The following CACHD1 variants were observed in gnomAD, a reference collection of about 807,000 sequenced individuals.
The protein encoded by CACHD1 is cache domain containing 1.
A neutral mutation model predicts 138.7 loss-of-function variants in CACHD1; 71 were observed. That is an observed-to-expected ratio of 0.51 (90% CI 0.42 to 0.62). CACHD1 has a LOEUF of 0.62. CACHD1 is among the 20% of genes least tolerant of loss of function. CACHD1 has a pLI of 0.00. For synonymous variants in CACHD1, 578 were observed against 591.5 expected, an observed-to-expected ratio of 0.98 and a Z score of 0.33; for missense variants, 1,389 against 1,625.3, an observed-to-expected ratio of 0.85 and a Z score of 2.50.
rs547716219 is a variant in CACHD1 at position 64,586,171 on chromosome 1, C to T, written c.410+3867C>T. Among the ~76,000 whole-genome samples, 10 of 152,330 alleles carry T rather than the reference C, an allele frequency of 6.6e-5. No homozygotes were observed. In the East Asian group the frequency reaches 1.9e-3, roughly 29 times the overall value. On this transcript the variant is annotated intron_variant, in intron 3 of 26. Transcript: ENST00000651257. ...CTCCATCTACCAGGCTCAAGCGCTT[C>T]TCACGCCTCAGTCTCCCAAGAAGCT...
chr1:64,607,776 C>T (rs1387584088), intron 4 of CACHD1, among the ~76,000 whole-genome samples: 3 of 152,164 alleles, frequency 2.0e-5, no homozygotes, highest in South Asian at 2.1e-4. Flanking sequence ...TGGGTATGAA[C>T]GTGGGGACAC....
intron 4 of CACHD1, among the ~76,000 whole-genome samples, chr1:64,606,121 ACACACACACG>A (rs1052039411): frequency 5.4e-4 from 82 of 152,032 alleles, no homozygotes; most frequent in South Asian, 3.3e-3. Flanking sequence ...ACACACACAC[ACACACACACG>A]CACACACACG....
At chr1:64,544,464 G>T (rs1221945535) in intron 1 of CACHD1, among the ~76,000 whole-genome samples, 1 of 152,054 alleles carries the variant, frequency 6.6e-6, no homozygotes, top group Non-Finnish European at 1.5e-5. Flanking sequence ...CTGTCAAGCA[G>T]GCTCAATTAA....
chr1:64,679,582 T>G lies in CACHD1; in HGVS notation c.3245-13T>G, dbSNP rs1321909319. 1 of 1,612,936 alleles carries G rather than the reference T, an allele frequency of 6.2e-7. No homozygotes were observed. The highest frequency in any genetic ancestry group is 1.7e-5 in the Admixed American group (1 of 59,878). On this transcript the variant is annotated splice_polypyrimidine_tract_variant and intron_variant, in intron 23 of 26. Transcript: ENST00000651257. ...ATCTTAACAAGAAACATCTTCTTGCTCTTTCACTGAAGGTGATGAGGTGAT... is the reference window on the plus strand; with the variant it reads ...ATCTTAACAAGAAACATCTTCTTGCGCTTTCACTGAAGGTGATGAGGTGAT...
chr1:64,675,248 A>T (rs1649945948), intron 19 of CACHD1, among the ~76,000 whole-genome samples, 153 bp from the exon 20 acceptor site: 1 of 152,212 alleles, frequency 6.6e-6, no homozygotes, highest in African/African-American at 2.4e-5. Context: ...AATTTTTAAC[A>T]GTGACTATAT....
chr1:64,477,617 TATTA>T lies in CACHD1; in HGVS notation c.198+6676_198+6679del, dbSNP rs1408288833. On this transcript the variant is annotated intron_variant, in intron 1 of 26. Transcript: ENST00000651257. ...TTATTATTATTATTATTATTATTAT[TATTA>T]TTATTTTATTTTATTTTTTTTTTTG... is the stretch of plus-strand genomic sequence containing the variant. Among the ~76,000 whole-genome samples the T allele has an allele frequency of 2.0e-3, 285 of 140,710 alleles. 4 individuals carry two copies. Among genetic ancestry groups the T allele is most frequent in the African/African-American group, 7.2e-3 (267 of 36,834 alleles). 92.3% of individuals were successfully genotyped at this position (140,710 alleles called of 152,430 possible).
intron 15 of CACHD1, among the ~76,000 whole-genome samples, chr1:64,665,239 G>A (rs1290992415): frequency 2.0e-5 from 3 of 151,778 alleles, no homozygotes; most frequent in African/African-American, 7.3e-5. Flanking sequence ...TGGATTGCTC[G>A]AGCCTAGGAG....
In CACHD1 at chr1:64,470,639, A is replaced by G. The variant is rs1273328837; in HGVS notation, c.-106A>G. 2 of 433,604 alleles carry G rather than the reference A, an allele frequency of 4.6e-6. No homozygotes were observed. The highest frequency in any genetic ancestry group is 2.1e-5 in the African/African-American group (1 of 47,946). The allele number at this position is 433,604 out of a possible 1,614,324, so 26.9% of individuals were successfully genotyped here. A position where few individuals can be genotyped will look rare whatever the true frequency, so the allele number is the denominator to read the frequency against. On this transcript the variant is annotated 5_prime_UTR_variant, in exon 1 of 27. Transcript: ENST00000651257. This position sits in a 1 kb window ranked among gnomAD's most constrained non-coding sequence, Gnocchi z 5.2. ...CGCGGCGCGGAGCAGAGCCTGCAAC[A>G]GAGGAAGAAACTTTTGCGGGGTGCG...
At chr1:64,653,939 G>T in intron 11 of CACHD1, 58 bp downstream of exon 11, 2 of 1,473,666 alleles carry the variant, frequency 1.4e-6, no homozygotes, top group South Asian at 1.2e-5. Context: ...ACCCATCAAA[G>T]CCACATACGA....
At chr1:64,497,693 AG>A (rs1646313574) in intron 1 of CACHD1, among the ~76,000 whole-genome samples, 1 of 152,324 alleles carries the variant, frequency 6.6e-6, no homozygotes, top group African/African-American at 2.4e-5. Flanking sequence ...CATATCAAAA[AG>A]GGGCAGAGGG....
At chr1:64,677,406 A>G (rs116703238) in intron 22 of CACHD1, among the ~76,000 whole-genome samples, 2,238 of 152,300 alleles carry the variant, frequency 0.015, 43 homozygotes, top group African/African-American at 0.051. Context: ...ACTAAAAACT[A>G]CATGTTCCCC....
chr1:64,543,450 GCA>G (rs1404724496), intron 1 of CACHD1, among the ~76,000 whole-genome samples: 2 of 143,968 alleles, frequency 1.4e-5, no homozygotes, highest in African/African-American at 5.4e-5. Context: ...CAGTGGTGAT[GCA>G]CACGTCCTAG....
intron 1 of CACHD1, among the ~76,000 whole-genome samples, chr1:64,485,343 A>G (rs555162781): frequency 1.9e-3 from 282 of 152,304 alleles, no homozygotes; most frequent in African/African-American, 6.5e-3. Flanking sequence ...CCTGGAAACC[A>G]TCGATATATT....
intron 1 of CACHD1, among the ~76,000 whole-genome samples, chr1:64,480,998 C>T (rs1419769129): frequency 6.6e-6 from 1 of 151,846 alleles, no homozygotes; most frequent in Non-Finnish European, 1.5e-5. Context: ...TTTACCTTGC[C>T]CTCTTTTTTT....
chr1:64,533,147 A>G (rs1424721914), intron 1 of CACHD1, among the ~76,000 whole-genome samples: 1 of 152,164 alleles, frequency 6.6e-6, no homozygotes, highest in African/African-American at 2.4e-5. Context: ...CTTGAGGCCA[A>G]GGGTTTGAGA....
chr1:64,616,360 AGAG>A (rs1647707475), intron 4 of CACHD1, among the ~76,000 whole-genome samples: 1 of 152,018 alleles, frequency 6.6e-6, no homozygotes, highest in Admixed American at 6.6e-5. Flanking sequence ...GTGAGAGGGG[AGAG>A]GAGGAGAAAA....
chr1:64,686,350 CTTAGAAACT>C, intron 26 of CACHD1, among the ~76,000 whole-genome samples: 1 of 152,318 alleles, frequency 6.6e-6, no homozygotes, highest in Admixed American at 6.5e-5. Context: ...CCAAACTAAA[CTTAGAAACT>C]TTAGGGTGTA....
At position 64,641,830 on chromosome 1, in the gene CACHD1, G is replaced by T; in HGVS notation, c.1017G>T (p.Met339Ile). ...NNTKFQANTD[M>I]VIIYLSAGIT... is the part of the protein sequence containing the mutation. Reference sequence around the variant, plus strand: ...TGTGTTTTTGTTTAGATACAGACATGGTCATCATTTACCTGTCAGCTGGCA... The same window carrying T: ...TGTGTTTTTGTTTAGATACAGACATTGTCATCATTTACCTGTCAGCTGGCA... Residue 339 changes from methionine to isoleucine, a missense_variant, in exon 8 of 27, where the codon ATG (methionine) becomes ATT (isoleucine). Met to Ile is a conservative substitution (Grantham distance 10). Around this residue, in one of 5 missense-constraint regions of CACHD1, gnomAD observed 1,000 missense variants for 1,114.7 expected, o/e 0.90. Transcript: ENST00000651257. 1 of 1,565,800 alleles carries T rather than the reference G, an allele frequency of 6.4e-7. No homozygotes were observed. The highest frequency in any genetic ancestry group is 8.6e-7 in the Non-Finnish European group (1 of 1,162,044).
At chr1:64,654,632 A>C in intron 11 of CACHD1, 54 bp from the exon 12 acceptor site, 1 of 1,338,644 alleles carries the variant, frequency 7.5e-7, no homozygotes, top group Non-Finnish European at 1.1e-6. Context: ...GCCTTTAATT[A>C]AGTGCTTAAT....
Sources: allele counts gnomAD v4.1 joint callset (sites outside exome capture counted in the v4.1 genomes callset), GRCh38; gene constraint gnomAD v4.1.1; regional missense constraint gnomAD v4.1.1; non-coding constraint Gnocchi (gnomAD v3.1); transcripts MANE v1.5; gene names NCBI Gene and HGNC (gene_info 2026-07-23, HGNC 2026-07-21).